Variants in B3GALNT2 observed in about 807,000 individuals in gnomAD.
B3GALNT2 encodes the protein UDP-GalNAc:beta-1,3-N-acetylgalactosaminyltransferase 2.
A neutral mutation model predicts 61.1 loss-of-function variants in B3GALNT2; 53 were observed. The ratio of observed to expected loss-of-function variants is 0.87; its 90% CI spans 0.70 to 1.09. The LOEUF is 1.09. Among genes scored for constraint, B3GALNT2 ranks in the 50% least tolerant of loss-of-function variants. The pLI, the probability that B3GALNT2 is intolerant of heterozygous loss-of-function variation, is 0.00. For missense variants in B3GALNT2, 544 were observed against 623.0 expected, an observed-to-expected ratio of 0.87 and a Z score of 1.35; for synonymous variants, 223 against 237.4, an observed-to-expected ratio of 0.94 and a Z score of 0.56.
intron 1 of B3GALNT2, among the ~76,000 whole-genome samples, chr1:235,503,725 G>A (rs1193026984): frequency 1.3e-5 from 2 of 151,028 alleles, no homozygotes; most frequent in South Asian, 2.1e-4. Flanking sequence ...AGTCTTGACC[G>A]AGAAAGACCA....
At chr1:235,485,939 A>T (rs1684785692) in intron 3 of B3GALNT2, among the ~76,000 whole-genome samples, 1 of 152,134 alleles carries the variant, frequency 6.6e-6, no homozygotes, top group Non-Finnish European at 1.5e-5. Flanking sequence ...TACGATACAA[A>T]AATTAGCTGG....
At position 235,472,903 on chromosome 1, in the gene B3GALNT2, CT is replaced by C. The variant is rs1172844809; in HGVS notation, c.652-1944del. Among the ~76,000 whole-genome samples, 11 of 151,516 alleles carry C rather than the reference CT, an allele frequency of 7.3e-5. No homozygotes were observed. The South Asian group carries it at 1.7e-3, about 23-fold the overall frequency. The stretch of plus-strand genomic sequence containing the variant: ...CTGCACAGAGTGATATAAACTTTTT[CT>C]TTTTTTTTATTTTTATTTTTTTGAG... On this transcript the variant is annotated intron_variant, in intron 5 of 11. Transcript: ENST00000366600.
At chr1:235,473,841 G>A (rs552156799) in intron 5 of B3GALNT2, among the ~76,000 whole-genome samples, 1 of 152,108 alleles carries the variant, frequency 6.6e-6, no homozygotes, top group African/African-American at 2.4e-5. Context: ...ATCTAGAAAA[G>A]ATGATGATAA....
chr1:235,455,655 A>T lies in B3GALNT2; in HGVS notation c.1055T>A (p.Leu352Ter). The change falls in exon 9 of 12, where the codon TTG (leucine) becomes TAG (stop). Residue 352 changes from leucine to a stop codon, truncating the protein, a stop_gained. Coordinates refer to ENST00000366600, the MANE Select transcript of B3GALNT2 (RefSeq NM_152490.5). LOFTEE classifies it high-confidence loss of function. ...WTVETTSFNL[L>*]LKTDDDCYID... ...GTAACAGTCATCATCTGTCTTCAGC[A>T]ACAAATTGAAGCTCGTTGTTTCCAC... is the stretch of plus-strand genomic sequence containing the variant. 6.2e-7 allele frequency: 1 copy of T among 1,607,908 alleles called. No homozygotes were observed.
intron 5 of B3GALNT2, among the ~76,000 whole-genome samples, chr1:235,471,897 A>G (rs1475238804): frequency 6.6e-6 from 1 of 152,032 alleles, no homozygotes; most frequent in East Asian, 1.9e-4. Flanking sequence ...TCCTGACCTC[A>G]AGTGATCTGC....
the B3GALNT2 span, among the ~76,000 whole-genome samples, chr1:235,440,010 G>C: frequency 1.3e-5 from 2 of 150,894 alleles, no homozygotes; most frequent in African/African-American, 4.9e-5. Context: ...TCGCTCTGTC[G>C]CCCAGGCTGG....
In B3GALNT2 at chr1:235,457,597, C is replaced by G. The variant is rs550460646; in HGVS notation, c.1025+1006G>C. Among the ~76,000 whole-genome samples, 6 of 151,990 alleles carry G rather than the reference C, an allele frequency of 3.9e-5. No individual in the cohort carries two copies. In the East Asian group the frequency reaches 1.2e-3, roughly 29 times the overall value. ...TAAGTTCCAAGAAACACTGGAGGGT[C>G]TGGGAAATTATAAATATGATAGATT... On this transcript the variant is annotated intron_variant, in intron 8 of 11. Transcript: ENST00000366600.
intron 3 of B3GALNT2, among the ~76,000 whole-genome samples, chr1:235,488,890 C>T (rs938482226): frequency 1.5e-4 from 23 of 151,508 alleles, no homozygotes; most frequent in Admixed American, 1.1e-3. Flanking sequence ...CTCAACTCTA[C>T]AAAAAATTTA....
chr1:235,497,891 G>A (rs1402036882), intron 1 of B3GALNT2, among the ~76,000 whole-genome samples: 2 of 152,140 alleles, frequency 1.3e-5, no homozygotes, highest in Non-Finnish European at 2.9e-5. Flanking sequence ...ATTATGGATG[G>A]AAACCTCTTT....
intron 6 of B3GALNT2, among the ~76,000 whole-genome samples, chr1:235,468,040 A>G (rs1683798367): frequency 6.6e-6 from 1 of 152,224 alleles, no homozygotes; most frequent in African/African-American, 2.4e-5. Flanking sequence ...TCAGCCTCCC[A>G]AAATGCTGGG....
Position 235,448,766 on chromosome 1 carries a change from CCAACTAATAAAAT to C in B3GALNT2, c.*1427_*1439del. Reference sequence around the variant, plus strand: ...TTGTCTATTAGTGCGATGGTGACAACCAACTAATAAAATTTAAAGACCACACTGCTTATCGTGT... The same window carrying C: ...TTGTCTATTAGTGCGATGGTGACAACTTAAAGACCACACTGCTTATCGTGT... On this transcript the variant is annotated 3_prime_UTR_variant, in exon 12 of 12. Transcript: ENST00000366600. 1 of 1,602,574 alleles carries C rather than the reference CCAACTAATAAAAT, an allele frequency of 6.2e-7. No individual in the cohort carries two copies. Among genetic ancestry groups the C allele is most frequent in the Non-Finnish European group, 8.5e-7 (1 of 1,169,898 alleles).
At chr1:235,495,929 A>G (rs1415502057) in intron 1 of B3GALNT2, among the ~76,000 whole-genome samples, 1 of 152,272 alleles carries the variant, frequency 6.6e-6, no homozygotes, top group African/African-American at 2.4e-5. Context: ...TAATAAAAAC[A>G]GATCTTTCTA....
intron 5 of B3GALNT2, among the ~76,000 whole-genome samples, chr1:235,474,376 C>T (rs545853374): frequency 4.9e-4 from 74 of 152,324 alleles, no homozygotes; most frequent in African/African-American, 1.5e-3. Flanking sequence ...ACTCCTTTCA[C>T]GCATCAACTC....
In B3GALNT2 at chr1:235,458,588, AT is replaced by A; in HGVS notation, c.1025+14del. 1.9e-6 allele frequency: 3 copies of A among 1,566,346 alleles called. No homozygotes were observed. The highest frequency in any genetic ancestry group is 2.6e-6 in the Non-Finnish European group (3 of 1,163,250). On this transcript the variant is annotated intron_variant, in intron 8 of 11. Coordinates refer to ENST00000366600, the MANE Select transcript of B3GALNT2 (RefSeq NM_152490.5). ...ATAAAACAAGTTCTAGCTACCCAAC[AT>A]TTTTACAACCTACCATCTATAGAAG...
At chr1:235,454,054 G>T in intron 10 of B3GALNT2, 102 bp downstream of exon 10, 4 of 1,122,190 alleles carry the variant, frequency 3.6e-6, no homozygotes, top group Non-Finnish European at 5.0e-6. Context: ...ACCCAGGCTG[G>T]TCTTGAATTC....
chr1:235,484,580 T>C (rs1019363665), intron 3 of B3GALNT2, 65 bp from the exon 4 acceptor site: 2 of 1,492,660 alleles, frequency 1.3e-6, no homozygotes, highest in Admixed American at 2.1e-5. Context: ...TAGTAAGAAG[T>C]AGTGAAGTGG....
rs1572482699 is a variant in B3GALNT2 at position 235,454,177 on chromosome 1, C to T, written c.1290G>A (p.Ser430=). The T allele has an allele frequency of 3.1e-6, 5 of 1,611,578 alleles. No homozygotes were observed. Among genetic ancestry groups the T allele is most frequent in the African/African-American group, 1.3e-5 (1 of 74,846 alleles). ...KDIVKWLASN[S]GRLKTYQGED... is the part of the protein sequence containing the mutation. Reference sequence around the variant, plus strand: ...TTACCTGATAGGTCTTTAACCTCCCCGAGTTGCTTGCCAGCCACTTGACGA... The same window carrying T: ...TTACCTGATAGGTCTTTAACCTCCCTGAGTTGCTTGCCAGCCACTTGACGA... Residue 430 remains serine (S), a synonymous_variant, in exon 10 of 12, where the codon TCG becomes TCA. Transcript: ENST00000366600.
intron 2 of B3GALNT2, among the ~76,000 whole-genome samples, chr1:235,491,406 T>G (rs1572551882): frequency 6.6e-6 from 1 of 152,294 alleles, no homozygotes; most frequent in East Asian, 1.9e-4. Context: ...TGTATATACT[T>G]TATGTCAATA....
At chr1:235,463,770 T>C (rs1353667607) in intron 7 of B3GALNT2, 2 of 152,078 alleles carry the variant, frequency 1.3e-5, no homozygotes, top group African/African-American at 4.8e-5. Context: ...GGTTTCACCA[T>C]GTTGGTCAGG....
Sources: allele counts gnomAD v4.1 joint callset (sites outside exome capture counted in the v4.1 genomes callset), GRCh38; gene constraint gnomAD v4.1.1; transcripts MANE v1.5; gene names NCBI Gene and HGNC (gene_info 2026-07-23, HGNC 2026-07-21).